Variants in NEBL observed in about 807,000 individuals in gnomAD.
The protein encoded by NEBL is nebulette.
NEBL carries 122 observed loss-of-function variants against 140.2 expected under a neutral mutation model. The ratio of observed to expected loss-of-function variants is 0.87; its 90% CI spans 0.75 to 1.01. NEBL has a LOEUF of 1.01. NEBL is among the 50% of genes least tolerant of loss of function. NEBL has a pLI of 0.00. For synonymous variants in NEBL, 436 were observed against 398.9 expected, an observed-to-expected ratio of 1.09 and a Z score of -1.11; for missense variants, 1,365 against 1,231.3, an observed-to-expected ratio of 1.11 and a Z score of -1.62.
chr10:21,271,826 G>A (rs1290641214), intron 1 of NEBL, among the ~76,000 whole-genome samples: 11 of 151,958 alleles, frequency 7.2e-5, no homozygotes, highest in Middle Eastern at 3.4e-3. Context: ...GCGCCCTGCC[G>A]AGAATAGATC....
At chr10:20,867,990 T>C (rs1007308866) in intron 7 of NEBL, 3 of 151,660 alleles carry the variant, frequency 2.0e-5, no homozygotes, top group African/African-American at 7.3e-5. Flanking sequence ...ATTTTCATAC[T>C]TTTAAAGGCT....
chr10:21,022,679 G>T (rs977963722), intron 2 of NEBL, among the ~76,000 whole-genome samples: 7 of 152,046 alleles, frequency 4.6e-5, no homozygotes, highest in Non-Finnish European at 8.8e-5. Context: ...ATAATGTAGG[G>T]TCATCTTAAT....
intron 2 of NEBL, chr10:21,146,331 A>G (rs1364627551): frequency 6.2e-7 from 1 of 1,605,306 alleles, no homozygotes; most frequent in Non-Finnish European, 8.5e-7. Flanking sequence ...TGCCCCCAAC[A>G]CATACTCTAC....
Position 20,869,819 on chromosome 10 carries a change from T to A in NEBL, c.503A>T (p.Gln168Leu), listed in dbSNP as rs730880171. ...TTCTGCACTGTACGTGTGGGTGTCC[T>A]GCACGTCTTTCCTATAAGAAATCTG... ...QSNISYRKDV[Q>L]DTHTYSAELD... Residue 168 changes from glutamine to leucine, a missense_variant, in exon 6 of 28, where the codon CAG becomes CTG. Physicochemically the swap from Gln to Leu is moderately radical, Grantham distance 113. Coordinates refer to ENST00000377122, the MANE Select transcript of NEBL (RefSeq NM_006393.3). 10 of 1,611,816 alleles carry A rather than the reference T, an allele frequency of 6.2e-6. No homozygotes were observed. The highest frequency in any genetic ancestry group is 8.5e-7 in the Non-Finnish European group (1 of 1,178,048).
Position 20,997,471 on chromosome 10 carries a change from T to TAA in NEBL, c.249+22644_249+22645dup, listed in dbSNP as rs55712388. Among the ~76,000 whole-genome samples, 153 of 25,160 alleles carry TAA rather than the reference T, an allele frequency of 6.1e-3. 50 individuals are homozygous for TAA. Among genetic ancestry groups the TAA allele is most frequent in the Non-Finnish European group, 0.013 (116 of 8,980 alleles). 16.5% of individuals were successfully genotyped at this position (25,160 alleles called of 152,430 possible). On this transcript the variant is annotated intron_variant, in intron 3 of 6. Transcript: ENST00000417816. ...ACACCAAATAAACGCACAGTCTCAG[T>TAA]AAAAAAAAAAAAAAAAAAAAAAAAA...
intron 14 of NEBL, among the ~76,000 whole-genome samples, chr10:20,833,480 T>TTTA (rs1840606092): frequency 1.3e-5 from 2 of 152,132 alleles, no homozygotes; most frequent in South Asian, 2.1e-4. Flanking sequence ...AAATGAGATT[T>TTTA]TTATTATTAT....
intron 3 of NEBL, among the ~76,000 whole-genome samples, chr10:21,215,174 G>A (rs1798096616): frequency 6.6e-6 from 1 of 152,164 alleles, no homozygotes; most frequent in Non-Finnish European, 1.5e-5. Context: ...GTGGCATGTG[G>A]TGGCACGCAC....
In NEBL at chr10:20,835,608, C is replaced by T. The variant is rs754137499; in HGVS notation, c.1354G>A (p.Asp452Asn). The change falls in exon 14 of 28, where the codon GAC (aspartate) becomes AAC (asparagine). Residue 452 changes from aspartate (D) to asparagine (N), a missense_variant. Coordinates refer to ENST00000377122, the MANE Select transcript of NEBL (RefSeq NM_006393.3). ...TTCCCTTTAATTATTGACTCCAGGT[C>T]TTTCTTGTATTCTTTCTGCAAAAGA... ...EMASEKEYKK[D>N]LESIIKGKGM... 4 of 1,608,958 alleles carry T rather than the reference C, an allele frequency of 2.5e-6. No individual in the cohort carries two copies. Among genetic ancestry groups the T allele is most frequent in the Non-Finnish European group, 3.4e-6 (4 of 1,177,460 alleles).
At chr10:20,991,791 C>T (rs1359600409) in intron 3 of NEBL, among the ~76,000 whole-genome samples, 1 of 146,298 alleles carries the variant, frequency 6.8e-6, no homozygotes, top group Non-Finnish European at 1.5e-5. Flanking sequence ...TTGGAATCCC[C>T]AGTGTTTATT....
chr10:21,200,279 G>A (rs1442182269), intron 3 of NEBL, among the ~76,000 whole-genome samples: 1 of 147,764 alleles, frequency 6.8e-6, no homozygotes, highest in African/African-American at 2.5e-5. Flanking sequence ...CATCCAAATT[G>A]GTTGTGTGAA....
intron 11 of NEBL, among the ~76,000 whole-genome samples, chr10:20,848,794 T>C (rs1842206359): frequency 6.6e-6 from 1 of 152,166 alleles, no homozygotes; most frequent in African/African-American, 2.4e-5. Context: ...GCCAAAAAGA[T>C]TGGAGACCAC....
At chr10:21,179,724 C>CAAA (rs11446563), upstream of NEBL, among the ~76,000 whole-genome samples, 9 of 137,710 alleles carry the variant, frequency 6.5e-5, no homozygotes, top group African/African-American at 2.3e-4. Flanking sequence ...AGAGATGTGA[C>CAAA]AAAAAAAAAA....
chr10:21,283,341 G>A (rs534527564), intron 1 of NEBL, among the ~76,000 whole-genome samples: 2 of 152,270 alleles, frequency 1.3e-5, no homozygotes, highest in South Asian at 4.1e-4. Flanking sequence ...CGCTTGTTTA[G>A]CATATCATCA....
At chr10:20,908,479 G>A (rs1419062030) in intron 4 of NEBL, among the ~76,000 whole-genome samples, 1 of 152,130 alleles carries the variant, frequency 6.6e-6, no homozygotes, top group African/African-American at 2.4e-5. Flanking sequence ...AGGAAAGGCA[G>A]GCCATAATGA....
At chr10:20,880,631 A>G (rs1845929023) in intron 5 of NEBL, among the ~76,000 whole-genome samples, 163 bp downstream of exon 5, 1 of 152,232 alleles carries the variant, frequency 6.6e-6, no homozygotes, top group Non-Finnish European at 1.5e-5. Context: ...GGTGTTAATG[A>G]CTGTGGATAG....
At chr10:21,284,033 C>T in intron 1 of NEBL, among the ~76,000 whole-genome samples, 1 of 79,232 alleles carries the variant, frequency 1.3e-5, no homozygotes. Flanking sequence ...ACCTAATCTG[C>T]ACTAAAAAAA....
At chr10:20,914,972 T>C (rs1043169859) in intron 4 of NEBL, among the ~76,000 whole-genome samples, 1 of 145,268 alleles carries the variant, frequency 6.9e-6, no homozygotes, top group Non-Finnish European at 1.5e-5. Flanking sequence ...GGCTGGGATT[T>C]TTTTTTTTTT....
At chr10:21,144,119 G>A (rs971488929) in intron 2 of NEBL, among the ~76,000 whole-genome samples, 8 of 152,178 alleles carry the variant, frequency 5.3e-5, no homozygotes, top group African/African-American at 1.7e-4. Flanking sequence ...GCCCTTGGAG[G>A]GCAGAAAGGT....
chr10:20,977,578 G>A (rs1401107556), intron 3 of NEBL, among the ~76,000 whole-genome samples: 1 of 152,126 alleles, frequency 6.6e-6, no homozygotes, highest in Non-Finnish European at 1.5e-5. Flanking sequence ...AGGAGGAGGA[G>A]GAGCTGCCCA....
Sources: gnomAD v4.1 joint callset for allele counts (sites outside exome capture counted in the v4.1 genomes callset) on GRCh38, gnomAD v4.1.1 for gene constraint, MANE v1.5 for transcripts, NCBI Gene and HGNC (gene_info 2026-07-23, HGNC 2026-07-21) for gene names.